The following TNFRSF8 variants were observed in gnomAD, a reference collection of about 807,000 sequenced individuals.
TNFRSF8 encodes the protein TNF receptor superfamily member 8, also known as tumor necrosis factor receptor superfamily member 8.
Under a neutral mutation model 70.8 loss-of-function variants are expected in TNFRSF8, and 26 were observed. The ratio of observed to expected loss-of-function variants is 0.37; its 90% CI spans 0.27 to 0.51. The LOEUF is 0.51. Ranked by LOEUF, TNFRSF8 falls within the 20% of genes least tolerant of loss-of-function variation. The pLI, the probability that TNFRSF8 is intolerant of heterozygous loss-of-function variation, is 0.94. For synonymous variants in TNFRSF8, 356 were observed against 339.2 expected, an observed-to-expected ratio of 1.05 and a Z score of -0.54; for missense variants, 720 against 807.9, an observed-to-expected ratio of 0.89 and a Z score of 1.32.
chr1:12,069,590 T>TC (rs1640807270), intron 1 of TNFRSF8, among the ~76,000 whole-genome samples: 1 of 152,170 alleles, frequency 6.6e-6, no homozygotes, highest in Admixed American at 6.5e-5. Context: ...CACACACCTG[T>TC]CCTCCAACAT....
At position 12,104,360 on chromosome 1, in the gene TNFRSF8, C is replaced by T; in HGVS notation, c.269-19C>T. The T allele has an allele frequency of 6.2e-7, 1 of 1,614,020 alleles. No individual in the cohort carries two copies. The highest frequency in any genetic ancestry group is 1.1e-5 in the South Asian group (1 of 91,060). ...CCTTCCTTCTGTTCCCCTCTGTGAC[C>T]CCTGTCTGTGTCCCTTAGACGACCT... On this transcript the variant is annotated intron_variant, in intron 3 of 14. Coordinates refer to ENST00000263932, the MANE Select transcript of TNFRSF8 (RefSeq NM_001243.5).
chr1:12,114,527 C>A (rs1421152460), intron 7 of TNFRSF8, among the ~76,000 whole-genome samples: 1 of 151,970 alleles, frequency 6.6e-6, no homozygotes, highest in Non-Finnish European at 1.5e-5. Flanking sequence ...TTGAGATCTA[C>A]CCTCGCGGAG....
At chr1:12,129,288 A>G (rs977885267) in intron 12 of TNFRSF8, among the ~76,000 whole-genome samples, 2 of 152,190 alleles carry the variant, frequency 1.3e-5, no homozygotes, top group Admixed American at 1.3e-4. Context: ...GACCTGAACC[A>G]TTTGAGAGTA....
At chr1:12,068,247 C>G (rs1216465307) in intron 1 of TNFRSF8, among the ~76,000 whole-genome samples, 1 of 152,206 alleles carries the variant, frequency 6.6e-6, no homozygotes, top group African/African-American at 2.4e-5. Context: ...GCTTGAGGGT[C>G]CTTGGCAATG....
rs181861016 is a variant in TNFRSF8 at position 12,115,773 on chromosome 1, G to A, written c.946+44G>A. The A allele has an allele frequency of 4.1e-5, 65 of 1,600,952 alleles. 2 individuals are homozygous for A. In the African/African-American group the frequency reaches 6.3e-4, roughly 15 times the overall value. ...AGGCCTCGACCACAGGGTGGAGTCT[G>A]TGCCCCCACTGTTGTGCCTCTCCCC... On this transcript the variant is annotated intron_variant, in intron 8 of 14. Transcript: ENST00000263932.
intron 6 of TNFRSF8, 61 bp from the exon 7 acceptor site, chr1:12,111,837 G>T: frequency 7.1e-7 from 1 of 1,407,534 alleles, no homozygotes; most frequent in Non-Finnish European, 1.0e-6. Flanking sequence ...TCAGGGTTGG[G>T]TGGGGAGTGA....
At chr1:12,101,610 C>T (rs766759924) in intron 3 of TNFRSF8, among the ~76,000 whole-genome samples, 3 of 152,212 alleles carry the variant, frequency 2.0e-5, no homozygotes, top group East Asian at 3.9e-4. Context: ...GAGTAACGCA[C>T]GTGCTACGAC....
At chr1:12,091,983 C>T (rs971817658) in intron 2 of TNFRSF8, among the ~76,000 whole-genome samples, 5 of 152,240 alleles carry the variant, frequency 3.3e-5, no homozygotes, top group East Asian at 1.9e-4. Context: ...AGGTAATGCT[C>T]GCTCACCGTC....
intron 14 of TNFRSF8, among the ~76,000 whole-genome samples, chr1:12,139,419 G>A (rs1642214546): frequency 6.6e-6 from 1 of 152,148 alleles, no homozygotes; most frequent in Non-Finnish European, 1.5e-5. Context: ...GTTAATTCTG[G>A]ATATCCTGGG....
chr1:12,084,271 A>G (rs964245231), intron 1 of TNFRSF8, among the ~76,000 whole-genome samples, 193 bp from the exon 2 acceptor site: 4 of 152,122 alleles, frequency 2.6e-5, no homozygotes, highest in Non-Finnish European at 5.9e-5. Context: ...GGGAGACGCT[A>G]AAGTTTCTGG....
At chr1:12,068,412 C>T (rs527604507) in intron 1 of TNFRSF8, among the ~76,000 whole-genome samples, 3 of 152,108 alleles carry the variant, frequency 2.0e-5, no homozygotes, top group African/African-American at 4.8e-5. Context: ...CAGGACTGGT[C>T]GGGGTAGAGC....
intron 1 of TNFRSF8, among the ~76,000 whole-genome samples, chr1:12,069,424 C>G (rs74545557): frequency 3.9e-5 from 6 of 152,054 alleles, no homozygotes; most frequent in African/African-American, 1.5e-4. Context: ...GACGAGCCCC[C>G]CCGCCTCAGC....
At chr1:12,066,550 A>G (rs1640744293) in intron 1 of TNFRSF8, among the ~76,000 whole-genome samples, 1 of 151,966 alleles carries the variant, frequency 6.6e-6, no homozygotes, top group African/African-American at 2.4e-5. Flanking sequence ...ATGGGGTTTC[A>G]TAATGTTGGC....
In TNFRSF8 at chr1:12,138,863, G is replaced by T. The variant is rs904487759; in HGVS notation, c.1543+427G>T. Among the ~76,000 whole-genome samples, 1 of 145,080 alleles carries T rather than the reference G, an allele frequency of 6.9e-6. No homozygotes were observed. Among genetic ancestry groups the T allele is most frequent in the Non-Finnish European group, 1.5e-5 (1 of 67,816 alleles). Reference sequence around the variant, plus strand: ...TCTTTCTCCCCATTTTACAGTTGGGGAGACCGTGGCTCAGAGGGTGAAGTG... The same window carrying T: ...TCTTTCTCCCCATTTTACAGTTGGGTAGACCGTGGCTCAGAGGGTGAAGTG... On this transcript the variant is annotated intron_variant, in intron 14 of 14. Coordinates refer to ENST00000263932, the MANE Select transcript of TNFRSF8 (RefSeq NM_001243.5). This position sits in a 1 kb window ranked among gnomAD's most constrained non-coding sequence, Gnocchi z 5.7.
rs11121865 is a variant in TNFRSF8 at position 12,110,437 on chromosome 1, C to G, written c.676+233C>G. Among the ~76,000 whole-genome samples, 11,182 of 152,144 alleles carry G rather than the reference C, an allele frequency of 0.073. 439 individuals carry two copies. The highest frequency in any genetic ancestry group is 0.08 in the Non-Finnish European group (5,429 of 67,972). On this transcript the variant is annotated intron_variant, in intron 6 of 14. Transcript: ENST00000263932. This position sits in a 1 kb window ranked among gnomAD's most constrained non-coding sequence, Gnocchi z 4.0. The stretch of plus-strand genomic sequence containing the variant: ...GAGGGCCTGCCTTGTGCCGGACACC[C>G]GTGCCCCATCTCTCCCTCTATTTCC...
At chr1:12,070,389 T>C (rs1010578773) in intron 1 of TNFRSF8, among the ~76,000 whole-genome samples, 2 of 152,140 alleles carry the variant, frequency 1.3e-5, no homozygotes, top group African/African-American at 4.8e-5. Context: ...TAGCTGGGAC[T>C]ACAGGCGCCC....
chr1:12,079,947 CTAT>C (rs1641034077), intron 1 of TNFRSF8, among the ~76,000 whole-genome samples: 1 of 129,982 alleles, frequency 7.7e-6, no homozygotes, highest in South Asian at 2.5e-4. Context: ...TTTTAATTCT[CTAT>C]TTTTTTTTTT....
chr1:12,099,203 T>C (rs1199974395), intron 3 of TNFRSF8, among the ~76,000 whole-genome samples: 1 of 151,886 alleles, frequency 6.6e-6, no homozygotes, highest in Non-Finnish European at 1.5e-5. Flanking sequence ...CAGGCTGGAG[T>C]GCAGTGGTGC....
rs550362745 is a variant in TNFRSF8 at position 12,115,565 on chromosome 1, T to C, written c.794-12T>C. ...CTGATCTTTCTCCGTGATCCTCATC[T>C]GTGTCCCTTAGATGACCTTGTGGAG... On this transcript the variant is annotated splice_polypyrimidine_tract_variant and intron_variant, in intron 7 of 14. Transcript: ENST00000263932. The C allele has an allele frequency of 1.4e-4, 226 of 1,614,226 alleles. No individual in the cohort carries two copies. The East Asian group carries it at 3.4e-3, about 24-fold the overall frequency.
Sources: gnomAD v4.1 joint callset for allele counts (sites outside exome capture counted in the v4.1 genomes callset) on GRCh38, gnomAD v4.1.1 for gene constraint, Gnocchi (gnomAD v3.1) non-coding constraint, MANE v1.5 for transcripts, NCBI Gene and HGNC (gene_info 2026-07-23, HGNC 2026-07-21) for gene names.